The following FBXL18 variants were observed in gnomAD, a reference collection of about 807,000 sequenced individuals.
The protein encoded by FBXL18 is F-box/LRR-repeat protein 18.
In FBXL18, 36 loss-of-function variants were observed where a neutral mutation model predicts 46.0. The ratio of observed to expected loss-of-function variants is 0.78; its 90% CI spans 0.60 to 1.03. FBXL18 has a LOEUF of 1.03. Ranked by LOEUF, FBXL18 falls within the 50% of genes least tolerant of loss-of-function variation. The probability of loss-of-function intolerance (pLI) is 0.00; values close to 1 mark genes in which losing one functional copy is unlikely to be tolerated. For missense variants in FBXL18, 977 were observed against 1,004.1 expected (o/e 0.97, Z 0.36); for synonymous variants, 557 against 465.3 (o/e 1.20, Z -2.54).
intron 1 of FBXL18, among the ~76,000 whole-genome samples, chr7:5,512,088 C>T (rs1172188819): frequency 7.9e-6 from 1 of 127,000 alleles, no homozygotes; most frequent in Non-Finnish European, 1.7e-5. Flanking sequence ...AAAAAAAAAA[C>T]CAAAAAATTA....
Position 5,501,149 on chromosome 7 carries a change from T to C in FBXL18, c.1120A>G (p.Ile374Val). 1 of 1,613,148 alleles carries C rather than the reference T, an allele frequency of 6.2e-7. No homozygotes were observed. The highest frequency in any genetic ancestry group is 8.5e-7 in the Non-Finnish European group (1 of 1,179,862). The change falls in exon 3 of 5, where the codon ATC becomes GTC. Residue 374 changes from isoleucine to valine, a missense_variant. Physicochemically the swap from Ile to Val is conservative, Grantham distance 29. Coordinates refer to ENST00000382368, the MANE Select transcript of FBXL18 (RefSeq NM_024963.6). ...CAGGACGCCACCAGAGTCTCCAGGA[T>C]GCTGCTGTCGATGTCGTCCTCCGCC... Reference protein sequence around the residue: ...RKAEDDIDSSILETLVASCCN... With the variant: ...RKAEDDIDSSVLETLVASCCN...
downstream of FBXL18, among the ~76,000 whole-genome samples, chr7:5,472,813 C>T (rs1311009092): frequency 6.6e-6 from 1 of 152,188 alleles, no homozygotes; most frequent in Non-Finnish European, 1.5e-5. Flanking sequence ...CCTGGAGAAG[C>T]CGTGAGCACC....
intron 4 of FBXL18, among the ~76,000 whole-genome samples, chr7:5,467,123 G>A (rs1474191367): frequency 2.6e-5 from 4 of 152,110 alleles, no homozygotes; most frequent in Admixed American, 6.6e-5. Flanking sequence ...AGGCGAAGGC[G>A]GGCGGATCAC....
rs1041797689 is a variant in FBXL18 at position 5,496,114 on chromosome 7, G to T, written c.1781+4374C>A. The stretch of plus-strand genomic sequence containing the variant: ...CCATGAAATCACGCTGACCTCGGGA[G>T]GCCGGAGACAAGCAGCCATGTGACC... On this transcript the variant is annotated intron_variant, in intron 3 of 4. Transcript: ENST00000382368. The surrounding 1 kb of genome is among the most constrained non-coding windows in gnomAD (Gnocchi z 4.8). Among the ~76,000 whole-genome samples, 3 of 152,198 alleles carry T rather than the reference G, an allele frequency of 2.0e-5. No homozygotes were observed. Among genetic ancestry groups the T allele is most frequent in the African/African-American group, 4.8e-5 (2 of 41,466 alleles).
Position 5,457,452 on chromosome 7 carries a change from A to G in FBXL18, c.2001-9609T>C, listed in dbSNP as rs537016725. 4.6e-5 allele frequency among the ~76,000 whole-genome samples: 7 copies of G among 152,300 alleles called. No homozygotes were observed. In the South Asian group the frequency reaches 1.4e-3, roughly 32 times the overall value. On this transcript the variant is annotated intron_variant and NMD_transcript_variant, in intron 4 of 6. Transcript: ENST00000415009. ...ACCACTGCACATTTTCCATCACACC[A>G]AATTCCCTGCATTGTGAAGCTGTTT...
At chr7:5,491,722 C>T (rs764741742) in intron 3 of FBXL18, among the ~76,000 whole-genome samples, 5 of 152,186 alleles carry the variant, frequency 3.3e-5, no homozygotes, top group Admixed American at 1.3e-4. Context: ...AGTCACCAGC[C>T]GAGGCCATCA....
chr7:5,481,880 G>A lies in FBXL18; in HGVS notation c.2052C>T (p.His684=), dbSNP rs190326632. ...ALNVVIFPLL[H]EGLTDVIRDV... is the part of the protein sequence containing the mutation. ...CCCGGATGACGTCGGTCAGGCCCTC[G>A]TGGAGCAGAGGGAAGATGACGACGT... is the stretch of plus-strand genomic sequence containing the variant. Residue 684 remains histidine, a synonymous_variant, in exon 5 of 5, where the codon CAC becomes CAT. Transcript: ENST00000382368. The A allele has an allele frequency of 1.6e-4, 253 of 1,613,660 alleles. 1 individual carries two copies. Among genetic ancestry groups the A allele is most frequent in the Middle Eastern group, 1.3e-3 (8 of 6,058 alleles).
rs1313092088 is a variant in FBXL18, at chr7:5,480,567, T to A, written c.*1208A>T. 11 of 118,222 alleles carry A rather than the reference T, an allele frequency of 9.3e-5. No homozygotes were observed. Among genetic ancestry groups the A allele is most frequent in the Non-Finnish European group, 1.4e-4 (8 of 57,660 alleles). The allele number at this position is 118,222 out of a possible 1,614,324, so 7.3% of individuals were successfully genotyped here. A position where few individuals can be genotyped will look rare whatever the true frequency, so the allele number is the denominator to read the frequency against. The stretch of plus-strand genomic sequence containing the variant: ...ATATATATTTTTTTTTTTTTTTTTT[T>A]TTTTTTTTTTTTTTGAGGCGGAGTC... On this transcript the variant is annotated 3_prime_UTR_variant, in exon 5 of 5. Coordinates refer to ENST00000382368, the MANE Select transcript of FBXL18 (RefSeq NM_024963.6).
At chr7:5,513,030 C>T (rs187926708) in intron 1 of FBXL18, among the ~76,000 whole-genome samples, 52 of 152,304 alleles carry the variant, frequency 3.4e-4, no homozygotes, top group African/African-American at 1.2e-3. Flanking sequence ...CAACGGGAAG[C>T]CACTAGTCAG....
chr7:5,501,336 C>T lies in FBXL18; in HGVS notation c.933G>A (p.Met311Ile). The change falls in exon 3 of 5, where the codon ATG becomes ATA. Residue 311 changes from methionine (M) to isoleucine (I), a missense_variant. By Grantham distance (10) the Met-to-Ile change is conservative (BLOSUM62 1). Transcript: ENST00000382368. ...TGAAGTAGAACGGGTTGTTGAATTT[C>T]ATGTGCTGCAGGAGGGAAGAGCCGT... ...WLNGSSLLQH[M>I]KFNNPFYFSF... is the part of the protein sequence containing the mutation. The T allele has an allele frequency of 1.2e-6, 2 of 1,614,136 alleles. No homozygotes were observed. The highest frequency in any genetic ancestry group is 1.7e-6 in the Non-Finnish European group (2 of 1,180,032).
intron 1 of FBXL18, among the ~76,000 whole-genome samples, chr7:5,506,724 T>C (rs1477562389): frequency 6.6e-6 from 1 of 152,136 alleles, no homozygotes; most frequent in Admixed American, 6.6e-5. Flanking sequence ...GCCCAGCTAA[T>C]TTTTGTGTTT....
chr7:5,473,579 T>C (rs958020669), downstream of FBXL18, among the ~76,000 whole-genome samples: 8 of 151,940 alleles, frequency 5.3e-5, no homozygotes, highest in African/African-American at 1.7e-4. Flanking sequence ...CTGGCCAACA[T>C]GGTGAAACCC....
chr7:5,462,217 G>A (rs1188184468), intron 4 of FBXL18, among the ~76,000 whole-genome samples: 1 of 151,938 alleles, frequency 6.6e-6, no homozygotes, highest in Non-Finnish European at 1.5e-5. Flanking sequence ...AACAGAGTGA[G>A]ACTCTGTCTC....
chr7:5,456,204 C>A (rs1276309664), intron 4 of FBXL18, among the ~76,000 whole-genome samples: 1 of 152,206 alleles, frequency 6.6e-6, no homozygotes, highest in Non-Finnish European at 1.5e-5. Flanking sequence ...GCTGCCTGCT[C>A]CCATCCCTGG....
At position 5,500,535 on chromosome 7, in the gene FBXL18, G is replaced by A. The variant is rs763513871; in HGVS notation, c.1734C>T (p.Pro578=). Reference sequence around the variant, plus strand: ...AGTGCTTCAACATGTCTGAGAGCGCGGGCATGTACACCACCTTCCCCATCA... The same window carrying A: ...AGTGCTTCAACATGTCTGAGAGCGCAGGCATGTACACCACCTTCCCCATCA... The part of the protein sequence containing the change: ...LGMMGKVVYM[P]ALSDMLKHCK... Residue 578 remains proline (P), a synonymous_variant, in exon 3 of 5, where the codon CCC becomes CCT. Coordinates refer to ENST00000382368, the MANE Select transcript of FBXL18 (RefSeq NM_024963.6). 1.7e-5 allele frequency: 28 copies of A among 1,613,116 alleles called. No homozygotes were observed. The highest frequency in any genetic ancestry group is 3.3e-5 in the South Asian group (3 of 91,036).
At chr7:5,507,785 G>A (rs34121351) in intron 1 of FBXL18, among the ~76,000 whole-genome samples, 36,815 of 151,906 alleles carry the variant, frequency 0.24, 4,828 homozygotes, top group Middle Eastern at 0.32. Flanking sequence ...AGGGAGCCAA[G>A]ATCACACCAC....
At chr7:5,470,288 C>T (rs1391630215) in intron 4 of FBXL18, among the ~76,000 whole-genome samples, 4 of 152,096 alleles carry the variant, frequency 2.6e-5, no homozygotes, top group Non-Finnish European at 4.4e-5. Flanking sequence ...GGGGACACAG[C>T]GCCACCCTCA....
chr7:5,481,400 G>A lies in FBXL18; in HGVS notation c.*375C>T, dbSNP rs1252078226. ...GTGACCACAAACACAACAGCCAAGG[G>A]ACACGCTTCCCGGTCGGAAGTGGCA... On this transcript the variant is annotated 3_prime_UTR_variant, in exon 5 of 5. Transcript: ENST00000382368. The A allele has an allele frequency of 1.1e-5, 2 of 186,852 alleles. No individual in the cohort carries two copies. Among genetic ancestry groups the A allele is most frequent in the Non-Finnish European group, 2.3e-5 (2 of 87,492 alleles). The allele number at this position is 186,852 out of a possible 1,614,324, so 11.6% of individuals were successfully genotyped here. A position where few individuals can be genotyped will look rare whatever the true frequency, so the allele number is the denominator to read the frequency against.
rs887451751 is a variant in FBXL18, at chr7:5,476,170, G to A, written c.*5605C>T. On this transcript the variant is annotated 3_prime_UTR_variant, in exon 5 of 5. Transcript: ENST00000382368. ...ACCGACGGCTGCAGGGGAGGGGCAC[G>A]CACACACACAGGCACGCACATGCTT... 3 of 152,470 alleles carry A rather than the reference G, an allele frequency of 2.0e-5. No individual in the cohort carries two copies. The highest frequency in any genetic ancestry group is 2.9e-5 in the Non-Finnish European group (2 of 68,754). The allele number at this position is 152,470 out of a possible 1,614,324, so 9.4% of individuals were successfully genotyped here.
Sources: allele counts gnomAD v4.1 joint callset (sites outside exome capture counted in the v4.1 genomes callset), GRCh38; gene constraint gnomAD v4.1.1; non-coding constraint Gnocchi (gnomAD v3.1); transcripts MANE v1.5; gene names NCBI Gene and HGNC (gene_info 2026-07-23, HGNC 2026-07-21).